Variants in STK31 observed in about 807,000 individuals in gnomAD.
STK31 encodes serine/threonine-protein kinase 31.
A neutral mutation model predicts 129.7 loss-of-function variants in STK31; 89 were observed. The ratio of observed to expected loss-of-function variants is 0.69; its 90% CI spans 0.58 to 0.82. STK31 has a LOEUF of 0.82. STK31 is among the 40% of genes least tolerant of loss of function. The pLI is 0.00. For synonymous variants in STK31, 448 were observed against 395.3 expected, an observed-to-expected ratio of 1.13 and a Z score of -1.58; for missense variants, 1,187 against 1,176.4, an observed-to-expected ratio of 1.01 and a Z score of -0.13.
intron 22 of STK31, among the ~76,000 whole-genome samples, chr7:23,801,964 G>T (rs1322182934): frequency 6.6e-6 from 1 of 152,104 alleles, no homozygotes; most frequent in East Asian, 1.9e-4. Flanking sequence ...AAATTGGGTA[G>T]TATGATTCTT....
intron 5 of STK31, 32 bp downstream of exon 5, chr7:23,727,347 T>C: frequency 6.3e-7 from 1 of 1,595,474 alleles, no homozygotes; most frequent in Non-Finnish European, 8.6e-7. Flanking sequence ...TTTTTTTTGC[T>C]TTAAGAAATA....
chr7:23,790,675 A>G (rs1421184425), intron 21 of STK31, 149 bp from the exon 22 acceptor site: 3 of 759,708 alleles, frequency 3.9e-6, no homozygotes, highest in African/African-American at 1.8e-5. Flanking sequence ...AGCAATTTAT[A>G]ATAGCAGAAA....
chr7:23,781,219 T>G (rs1790905126), intron 15 of STK31, among the ~76,000 whole-genome samples, 200 bp from the exon 16 acceptor site: 1 of 152,324 alleles, frequency 6.6e-6, no homozygotes, highest in East Asian at 1.9e-4. Context: ...TTGTAATTCC[T>G]TTTTCTAGGT....
intron 22 of STK31, among the ~76,000 whole-genome samples, chr7:23,793,688 C>A (rs1272989816): frequency 6.6e-6 from 1 of 152,078 alleles, no homozygotes; most frequent in Non-Finnish European, 1.5e-5. Flanking sequence ...AAATGAGATA[C>A]CACTATACTA....
chr7:23,761,613 G>C (rs1014564754), intron 10 of STK31, among the ~76,000 whole-genome samples: 2 of 151,248 alleles, frequency 1.3e-5, no homozygotes, highest in South Asian at 2.1e-4. Context: ...GTAGAGATGG[G>C]GTTTCACCAT....
chr7:23,832,093 T>A (rs777752592), intron 23 of STK31, 43 bp from the exon 24 acceptor site: 17 of 1,393,506 alleles, frequency 1.2e-5, no homozygotes, highest in South Asian at 2.4e-5. Context: ...TACAGATTTG[T>A]CCTTTTGTTC....
chr7:23,793,179 C>T lies in STK31; in HGVS notation c.2760+2233C>T, dbSNP rs566845853. 2.0e-5 allele frequency among the ~76,000 whole-genome samples: 3 copies of T among 152,328 alleles called. No individual in the cohort carries two copies. In the East Asian group the frequency reaches 5.8e-4, roughly 29 times the overall value. On this transcript the variant is annotated intron_variant, in intron 22 of 23. Coordinates refer to ENST00000355870, the MANE Select transcript of STK31 (RefSeq NM_031414.5). The stretch of plus-strand genomic sequence containing the variant: ...AGGAGAATCTTCAACAAAAATGATA[C>T]AGGCCAACTCATACCATATGTAGAG...
chr7:23,757,259 C>G (rs1359062079), intron 10 of STK31, among the ~76,000 whole-genome samples: 1 of 151,866 alleles, frequency 6.6e-6, no homozygotes, highest in Non-Finnish European at 1.5e-5. Flanking sequence ...TCAGGTGGAA[C>G]GAGAGACTTG....
intron 3 of STK31, among the ~76,000 whole-genome samples, chr7:23,715,797 C>T (rs1233011931): frequency 2.0e-5 from 3 of 151,904 alleles, no homozygotes; most frequent in Non-Finnish European, 2.9e-5. Context: ...TCAGTCATCA[C>T]GGATAATCAT....
Position 23,785,027 on chromosome 7 carries a change from G to A in STK31, c.2149-451G>A, listed in dbSNP as rs868371550. 5.9e-4 allele frequency among the ~76,000 whole-genome samples: 89 copies of A among 152,082 alleles called. 2 individuals carry two copies. Among genetic ancestry groups the A allele is most frequent in the South Asian group, 1.7e-3 (8 of 4,820 alleles). ...GTAGTTTTTGGGGTACAGGTGTTTT[G>A]TGGTTACATGGATAAGTTCTTTAGT... On this transcript the variant is annotated intron_variant, in intron 17 of 23. Coordinates refer to ENST00000355870, the MANE Select transcript of STK31 (RefSeq NM_031414.5).
chr7:23,789,112 G>A (rs894684924), intron 21 of STK31, among the ~76,000 whole-genome samples: 19 of 152,092 alleles, frequency 1.2e-4, no homozygotes, highest in Admixed American at 1.2e-3. Context: ...GTTCATCCAC[G>A]TTATTGACTG....
intron 15 of STK31, among the ~76,000 whole-genome samples, chr7:23,772,488 T>C (rs1205226080): frequency 6.6e-6 from 1 of 152,178 alleles, no homozygotes; most frequent in Non-Finnish European, 1.5e-5. Context: ...TCATTAAATA[T>C]TCTTTAAAAA....
chr7:23,806,849 G>A (rs1013579912), intron 22 of STK31, among the ~76,000 whole-genome samples: 1 of 143,894 alleles, frequency 6.9e-6, no homozygotes, highest in African/African-American at 2.6e-5. Context: ...GCAGTGAGCA[G>A]AGATCACGCC....
intron 3 of STK31, among the ~76,000 whole-genome samples, chr7:23,713,245 TAA>T (rs1470637558): frequency 3.3e-5 from 5 of 152,170 alleles, no homozygotes; most frequent in African/African-American, 1.2e-4. Context: ...AACACAATAT[TAA>T]GTCTTTATGT....
chr7:23,799,415 A>G (rs994522107), intron 22 of STK31, among the ~76,000 whole-genome samples: 6 of 152,188 alleles, frequency 3.9e-5, no homozygotes, highest in African/African-American at 1.4e-4. Context: ...GGAACAAAAC[A>G]GAGGCCACAG....
chr7:23,832,202 G>C lies in STK31; in HGVS notation c.2896G>C (p.Val966Leu), dbSNP rs143422234. The C allele has an allele frequency of 1.5e-5, 24 of 1,614,030 alleles. 1 individual carries two copies. In the African/African-American group the frequency reaches 2.4e-4, roughly 16 times the overall value. The change falls in exon 24 of 24, where the codon GTT becomes CTT. Residue 966 changes from valine (V) to leucine (L), a missense_variant. By Grantham distance (32) the Val-to-Leu change is conservative. This residue lies in a region of STK31 where 975 missense variants were observed against 934.9 expected (regional missense o/e 1.04). Coordinates refer to ENST00000355870, the MANE Select transcript of STK31 (RefSeq NM_031414.5). ...CYRSSMTAEQ[V>L]LNAECFLMPK... ...TAGAAGTTCAATGACTGCTGAACAA[G>C]TTTTAAATGCTGAATGTTTCTTGAT... is the stretch of plus-strand genomic sequence containing the variant.
chr7:23,814,149 AT>A lies in STK31; in HGVS notation c.2761-980del, dbSNP rs371961794. Among the ~76,000 whole-genome samples, 41 of 119,234 alleles carry A rather than the reference AT, an allele frequency of 3.4e-4. 2 individuals carry two copies. The highest frequency in any genetic ancestry group is 3.2e-4 in the Admixed American group (3 of 9,330). 78.2% of individuals were successfully genotyped at this position (119,234 alleles called of 152,430 possible). A position where few individuals can be genotyped will look rare whatever the true frequency, so the allele number is the denominator to read the frequency against. On this transcript the variant is annotated intron_variant, in intron 22 of 23. Transcript: ENST00000355870. ...GGGAAACATCAGATCTGGCTCACTT[AT>A]TTTTTTTTTTTTTTCAGTTGGGAGG...
At chr7:23,751,966 G>C (rs1788739438) in intron 8 of STK31, among the ~76,000 whole-genome samples, 1 of 151,746 alleles carries the variant, frequency 6.6e-6, no homozygotes, top group Admixed American at 6.6e-5. Flanking sequence ...CTGGGGGCTT[G>C]GGGGAGGGGG....
At chr7:23,749,745 G>A (rs959161473) in intron 8 of STK31, among the ~76,000 whole-genome samples, 11 of 152,014 alleles carry the variant, frequency 7.2e-5, no homozygotes, top group Non-Finnish European at 1.2e-4. Context: ...AGATGTACGC[G>A]GGAGTGATGT....
Sources: gnomAD v4.1 joint callset for allele counts (sites outside exome capture counted in the v4.1 genomes callset) on GRCh38, gnomAD v4.1.1 for gene constraint, gnomAD v4.1.1 regional missense constraint, MANE v1.5 for transcripts, NCBI Gene and HGNC (gene_info 2026-07-23, HGNC 2026-07-21) for gene names.